Variants in FBXO9 observed in about 807,000 individuals in gnomAD.
The protein encoded by FBXO9 is F-box protein 9.
Under a neutral mutation model 63.7 loss-of-function variants are expected in FBXO9, and 43 were observed. That is an observed-to-expected ratio of 0.67 (90% confidence interval 0.53 to 0.87). The LOEUF (loss-of-function observed/expected upper bound fraction) is 0.87, where lower values mean the gene tolerates loss of function less well. Ranked by LOEUF, FBXO9 falls within the 40% of genes least tolerant of loss-of-function variation. FBXO9 has a pLI of 0.00. For synonymous variants in FBXO9, 156 were observed against 171.7 expected (o/e 0.91, Z 0.72); for missense variants, 442 against 533.2 (o/e 0.83, Z 1.68).
At position 53,065,515 on chromosome 6, in the gene FBXO9, C is replaced by T; in HGVS notation, c.-275C>T. 1 of 383,034 alleles carries T rather than the reference C, an allele frequency of 2.6e-6. No individual in the cohort carries two copies. The highest frequency in any genetic ancestry group is 4.6e-6 in the Non-Finnish European group (1 of 215,500). The allele number at this position is 383,034 out of a possible 1,614,324, so 23.7% of individuals were successfully genotyped here. A position where few individuals can be genotyped will look rare whatever the true frequency, so the allele number is the denominator to read the frequency against. ...GTGCTCGCACAATCCCCCGCCTCGGCTGGCAACGGGCGTCCCTCCACTCCC... is the reference window on the plus strand; with the variant it reads ...GTGCTCGCACAATCCCCCGCCTCGGTTGGCAACGGGCGTCCCTCCACTCCC... On this transcript the variant is annotated 5_prime_UTR_variant, in exon 1 of 13. Coordinates refer to ENST00000323557, the MANE Select transcript of FBXO9 (RefSeq NM_033480.3).
intron 3 of FBXO9, among the ~76,000 whole-genome samples, chr6:53,075,733 AAT>A (rs1562065232): frequency 7.8e-5 from 4 of 51,388 alleles, no homozygotes; most frequent in Admixed American, 2.9e-4. Context: ...ATATATATAT[AAT>A]TATTTTTTTT....
chr6:53,073,714 G>A, intron 3 of FBXO9, 75 bp downstream of exon 3: 1 of 1,274,572 alleles, frequency 7.8e-7, no homozygotes, highest in Non-Finnish European at 1.1e-6. Flanking sequence ...GACACAGTAA[G>A]TAGGCATTAT....
At chr6:53,095,347 GTATT>G (rs1238234001) in intron 11 of FBXO9, among the ~76,000 whole-genome samples, 162 bp from the exon 12 acceptor site, 3 of 149,436 alleles carry the variant, frequency 2.0e-5, no homozygotes, top group Admixed American at 6.7e-5. Context: ...TATTTTTAGA[GTATT>G]TAACAGTTTT....
At position 53,097,863 on chromosome 6, in the gene FBXO9, T is replaced by A. The variant is rs757870263; in HGVS notation, c.*33T>A. 2.2e-6 allele frequency: 3 copies of A among 1,365,562 alleles called. No homozygotes were observed. Among genetic ancestry groups the A allele is most frequent in the African/African-American group, 1.5e-5 (1 of 67,278 alleles). The allele number at this position is 1,365,562 out of a possible 1,614,324, so 84.6% of individuals were successfully genotyped here. ...AGTCCAGTCCTCTATCACTTTTGCA[T>A]GAATTAAAGTATATAGCGCAAAAGA... is the stretch of plus-strand genomic sequence containing the variant. On this transcript the variant is annotated 3_prime_UTR_variant, in exon 13 of 13. Coordinates refer to ENST00000323557, the MANE Select transcript of FBXO9 (RefSeq NM_033480.3).
intron 4 of FBXO9, among the ~76,000 whole-genome samples, chr6:53,078,224 C>T (rs566134357): frequency 3.9e-5 from 6 of 152,200 alleles, no homozygotes; most frequent in Admixed American, 2.0e-4. Context: ...CAGGCTGAGG[C>T]GGGAGGATCG....
At position 53,092,526 on chromosome 6, in the gene FBXO9, C is replaced by T. The variant is rs965091155; in HGVS notation, c.751C>T (p.Arg251Trp). 8 of 1,613,496 alleles carry T rather than the reference C, an allele frequency of 5.0e-6. No homozygotes were observed. Among genetic ancestry groups the T allele is most frequent in the South Asian group, 4.4e-5 (4 of 91,074 alleles). ...YTSWREMFLE[R>W]PRVRFDGVYI... ...GTCCTGGAGAGAGATGTTTTTAGAACGGCCTCGTGTTCGGTTTGATGGTAA... is the reference window on the plus strand; with the variant it reads ...GTCCTGGAGAGAGATGTTTTTAGAATGGCCTCGTGTTCGGTTTGATGGTAA... The change falls in exon 8 of 13, where the codon CGG becomes TGG. Residue 251 changes from arginine to tryptophan, a missense_variant. Coordinates refer to ENST00000323557, the MANE Select transcript of FBXO9 (RefSeq NM_033480.3).
rs370372069 is a variant in FBXO9 at position 53,093,946 on chromosome 6, G to C, written c.1021G>C (p.Val341Leu). The change falls in exon 11 of 13, where the codon GTA (valine) becomes CTA (leucine). Residue 341 changes from valine to leucine, a missense_variant. Val to Leu is a conservative substitution (Grantham distance 32). Transcript: ENST00000323557. The part of the protein sequence containing the change: ...LSQDTDNQTK[V>L]FAVITKKKEE... ...ACAAGACACAGACAATCAGACCAAA[G>C]TATTTGCTGTAATAACTAAGAAAAA... The C allele has an allele frequency of 1.9e-6, 3 of 1,553,242 alleles. No homozygotes were observed. Among genetic ancestry groups the C allele is most frequent in the Non-Finnish European group, 2.6e-6 (3 of 1,147,994 alleles).
intron 1 of FBXO9, among the ~76,000 whole-genome samples, chr6:53,069,095 A>G (rs1053683987): frequency 6.6e-5 from 10 of 152,236 alleles, no homozygotes; most frequent in Non-Finnish European, 1.0e-4. Flanking sequence ...CCTGGGCTGC[A>G]TAAGGAGACT....
intron 7 of FBXO9, among the ~76,000 whole-genome samples, chr6:53,088,735 A>G (rs1762960765): frequency 6.7e-6 from 1 of 149,744 alleles, no homozygotes; most frequent in African/African-American, 2.5e-5. Context: ...AGTAGCCGAG[A>G]TTACAGGCAT....
At chr6:53,071,243 G>C (rs1045863167) in intron 2 of FBXO9, 100 bp downstream of exon 2, 2 of 1,157,754 alleles carry the variant, frequency 1.7e-6, no homozygotes, top group African/African-American at 3.1e-5. Context: ...ATTACTGTTT[G>C]CATGGAATTT....
chr6:53,097,549 T>C (rs1477968284), intron 12 of FBXO9, among the ~76,000 whole-genome samples, 173 bp from the exon 13 acceptor site: 4 of 152,194 alleles, frequency 2.6e-5, no homozygotes, highest in Admixed American at 1.3e-4. Flanking sequence ...TGTTTCTGTA[T>C]ACATTTCTAA....
At chr6:53,081,956 C>T (rs1297481513) in intron 6 of FBXO9, among the ~76,000 whole-genome samples, 1 of 152,012 alleles carries the variant, frequency 6.6e-6, no homozygotes, top group East Asian at 1.9e-4. Flanking sequence ...GTAGTCCCAC[C>T]TACTTGGGAG....
At chr6:53,067,378 G>A (rs754531757) in intron 1 of FBXO9, among the ~76,000 whole-genome samples, 1 of 152,116 alleles carries the variant, frequency 6.6e-6, no homozygotes, top group Non-Finnish European at 1.5e-5. Flanking sequence ...AAATGAAACA[G>A]CCAACCTCAG....
At chr6:53,089,812 C>T (rs1266186915) in intron 7 of FBXO9, among the ~76,000 whole-genome samples, 3 of 152,190 alleles carry the variant, frequency 2.0e-5, no homozygotes, top group Admixed American at 1.3e-4. Flanking sequence ...TTCACCAGGG[C>T]AGAAAAGGCA....
intron 7 of FBXO9, among the ~76,000 whole-genome samples, chr6:53,089,085 T>G (rs1047307018): frequency 1.3e-5 from 2 of 151,256 alleles, no homozygotes; most frequent in African/African-American, 2.4e-5. Flanking sequence ...TTTTGTTTTT[T>G]TTTTTCCAGG....
Position 53,097,916 on chromosome 6 carries a change from GCGTGTGTGTGTATATATATA to G in FBXO9, c.*87_*106del, listed in dbSNP as rs1763257669. ...ACCTAAGTTATAAATGTGTGTGTGT[GCGTGTGTGTGTATATATATA>G]TATATATATATATATATATATATAT... On this transcript the variant is annotated 3_prime_UTR_variant, in exon 13 of 13. Transcript: ENST00000323557. 1 of 23,264 alleles carries G rather than the reference GCGTGTGTGTGTATATATATA, an allele frequency of 4.3e-5. No individual in the cohort carries two copies. Among genetic ancestry groups the G allele is most frequent in the Admixed American group, 8.9e-4 (1 of 1,128 alleles). The allele number at this position is 23,264 out of a possible 1,614,324, so 1.4% of individuals were successfully genotyped here.
chr6:53,084,243 C>G lies in FBXO9; in HGVS notation c.653+1625C>G, dbSNP rs529857674. 2.6e-5 allele frequency among the ~76,000 whole-genome samples: 4 copies of G among 152,272 alleles called. No homozygotes were observed. The South Asian group carries it at 8.3e-4, about 32-fold the overall frequency. On this transcript the variant is annotated intron_variant, in intron 7 of 12. Transcript: ENST00000323557. ...AGTGACCACAGGGAATTAGGTGAGACCATGTAATCATGCTACCTGTTTTCT... is the reference window on the plus strand; with the variant it reads ...AGTGACCACAGGGAATTAGGTGAGAGCATGTAATCATGCTACCTGTTTTCT...
chr6:53,076,776 G>A (rs1562065803), intron 4 of FBXO9, among the ~76,000 whole-genome samples: 1 of 139,276 alleles, frequency 7.2e-6, no homozygotes, highest in Admixed American at 7.6e-5. Flanking sequence ...TATGTAAATA[G>A]TTATTATACT....
intron 1 of FBXO9, among the ~76,000 whole-genome samples, chr6:53,068,938 C>T (rs1768812538): frequency 6.6e-6 from 1 of 152,168 alleles, no homozygotes; most frequent in African/African-American, 2.4e-5. Context: ...GCATGAGCCA[C>T]CACACCCTGC....
Sources: gnomAD v4.1 joint callset for allele counts (sites outside exome capture counted in the v4.1 genomes callset) on GRCh38, gnomAD v4.1.1 for gene constraint, MANE v1.5 for transcripts, NCBI Gene and HGNC (gene_info 2026-07-23, HGNC 2026-07-21) for gene names.